Variants in FAM193A observed in about 807,000 individuals in gnomAD.
FAM193A encodes protein FAM193A.
A neutral mutation model predicts 126.5 loss-of-function variants in FAM193A; 22 were observed. That is an observed-to-expected ratio of 0.17 (90% CI 0.12 to 0.25). The LOEUF is 0.25. Among genes scored for constraint, FAM193A ranks in the 10% least tolerant of loss-of-function variants. FAM193A has a pLI of 1.00. For synonymous variants in FAM193A, 761 were observed against 646.8 expected, an observed-to-expected ratio of 1.18 and a Z score of -2.68; for missense variants, 1,675 against 1,672.8, an observed-to-expected ratio of 1.00 and a Z score of -0.02.
At chr4:2,672,426 G>A (rs1577179220) in intron 13 of FAM193A, 54 bp downstream of exon 13, 1 of 1,593,178 alleles carries the variant, frequency 6.3e-7, no homozygotes, top group Admixed American at 1.7e-5. Flanking sequence ...GATCCTACAG[G>A]AGTACATAGT....
chr4:2,640,946 T>C (rs1235229165), intron 6 of FAM193A, among the ~76,000 whole-genome samples: 2 of 151,314 alleles, frequency 1.3e-5, no homozygotes, highest in East Asian at 2.0e-4. Context: ...GCCTGGGTGA[T>C]AGAGCGAGAT....
At chr4:2,545,995 A>G (rs1427016362) in intron 1 of FAM193A, among the ~76,000 whole-genome samples, 1 of 152,076 alleles carries the variant, frequency 6.6e-6, no homozygotes, top group East Asian at 1.9e-4. Flanking sequence ...TAAAAATACA[A>G]AAATTAGCGG....
intron 1 of FAM193A, among the ~76,000 whole-genome samples, chr4:2,538,033 C>A (rs184593310): frequency 2.2e-4 from 33 of 152,148 alleles, no homozygotes; most frequent in African/African-American, 6.7e-4. Context: ...GCAGTCATTT[C>A]CAGTTATCCC....
At chr4:2,593,946 C>T (rs541484669) in intron 1 of FAM193A, among the ~76,000 whole-genome samples, 11 of 150,912 alleles carry the variant, frequency 7.3e-5, no homozygotes, top group African/African-American at 2.4e-4. Context: ...TCATGGTACT[C>T]GGTGGTTTGA....
chr4:2,715,887 T>C (rs1719483177), intron 19 of FAM193A, 136 bp from the exon 20 acceptor site: 1 of 677,060 alleles, frequency 1.5e-6, no homozygotes. Flanking sequence ...AGATCTGTCC[T>C]CTAAAATCTC....
At chr4:2,560,066 C>G (rs538123972) in intron 1 of FAM193A, among the ~76,000 whole-genome samples, 1 of 151,956 alleles carries the variant, frequency 6.6e-6, no homozygotes, top group East Asian at 1.9e-4. Flanking sequence ...TCAAGCCTGC[C>G]GAGTAGCTGG....
chr4:2,727,274 A>T (rs1286106910), intron 20 of FAM193A, among the ~76,000 whole-genome samples: 2 of 152,044 alleles, frequency 1.3e-5, no homozygotes, highest in African/African-American at 4.8e-5. Flanking sequence ...AAAAATTGTG[A>T]CCAATTGCTG....
rs774194211 is a variant in FAM193A at position 2,663,267 on chromosome 4, C to G, written c.2058C>G (p.Pro686=). ...RTEESKADSP[P]PSYPTQQAEQ... The stretch of plus-strand genomic sequence containing the variant: ...AGGAGAGCAAAGCAGACAGTCCACC[C>G]CCATCCTACCCAACACAGCAGGTAG... Residue 686 remains proline (P), a synonymous_variant, in exon 12 of 21, where the codon CCC becomes CCG. Transcript: ENST00000637812. 5 of 1,595,958 alleles carry G rather than the reference C, an allele frequency of 3.1e-6. No individual in the cohort carries two copies. In the East Asian group the frequency reaches 1.1e-4, roughly 36 times the overall value.
At chr4:2,715,057 C>T (rs1394841820) in intron 19 of FAM193A, among the ~76,000 whole-genome samples, 1 of 152,200 alleles carries the variant, frequency 6.6e-6, no homozygotes, top group East Asian at 1.9e-4. Context: ...GCCTGAGAGT[C>T]TAGGAAATTG....
At position 2,710,842 on chromosome 4, in the gene FAM193A, C is replaced by G. The variant is rs1161712820; in HGVS notation, c.4373-5181C>G. Among the ~76,000 whole-genome samples the G allele has an allele frequency of 3.6e-5, 5 of 140,326 alleles. No homozygotes were observed. The East Asian group carries it at 1.1e-3, about 30-fold the overall frequency. 92.1% of individuals were successfully genotyped at this position (140,326 alleles called of 152,430 possible). The stretch of plus-strand genomic sequence containing the variant: ...TTCTGCTTTCGTCTTTATTTTCTTT[C>G]TGTGCTTTCTTTTTTTTTTTTTTTT... On this transcript the variant is annotated intron_variant, in intron 19 of 20. Transcript: ENST00000637812.
intron 12 of FAM193A, among the ~76,000 whole-genome samples, chr4:2,665,100 C>T (rs1712956120): frequency 6.6e-6 from 1 of 152,156 alleles, no homozygotes; most frequent in South Asian, 2.1e-4. Flanking sequence ...ATTGAGTCTT[C>T]TAATCTGTGA....
At chr4:2,624,433 T>C (rs576374075) in intron 2 of FAM193A, among the ~76,000 whole-genome samples, 45 of 152,306 alleles carry the variant, frequency 3.0e-4, no homozygotes, top group African/African-American at 1.1e-3. Context: ...CGTGAGCCAC[T>C]GCCCCCGGCC....
chr4:2,696,143 T>C (rs1717008689), intron 17 of FAM193A: 2 of 477,380 alleles, frequency 4.2e-6, no homozygotes, highest in Non-Finnish European at 7.4e-6. Flanking sequence ...ATCAGGTTTT[T>C]CATGAATATG....
intron 1 of FAM193A, among the ~76,000 whole-genome samples, chr4:2,556,246 G>C (rs963759210): frequency 6.7e-6 from 1 of 149,104 alleles, no homozygotes; most frequent in African/African-American, 2.5e-5. Context: ...TCGCTCTGTT[G>C]CCAGGCTGGA....
chr4:2,585,458 A>C (rs992031604), intron 1 of FAM193A, among the ~76,000 whole-genome samples: 21 of 151,904 alleles, frequency 1.4e-4, no homozygotes, highest in African/African-American at 5.1e-4. Flanking sequence ...TTTATCTGTG[A>C]TATCTGTGAC....
At chr4:2,597,084 C>T (rs1392404112) in intron 2 of FAM193A, among the ~76,000 whole-genome samples, 5 of 152,114 alleles carry the variant, frequency 3.3e-5, no homozygotes, top group African/African-American at 7.2e-5. Context: ...ATCCCCACTG[C>T]CTGGTGTGGG....
chr4:2,537,704 A>G (rs937049489), intron 1 of FAM193A, among the ~76,000 whole-genome samples: 1 of 152,198 alleles, frequency 6.6e-6, no homozygotes, highest in African/African-American at 2.4e-5. Flanking sequence ...GTGATGATTG[A>G]GAAGGGCCTC....
At chr4:2,635,514 A>G (rs776922735) in intron 5 of FAM193A, among the ~76,000 whole-genome samples, 32 of 152,254 alleles carry the variant, frequency 2.1e-4, no homozygotes, top group Non-Finnish European at 4.1e-4. Flanking sequence ...TTTACATTAG[A>G]TAATGTAACA....
At chr4:2,539,009 C>A (rs1382122985) in intron 1 of FAM193A, among the ~76,000 whole-genome samples, 1 of 151,948 alleles carries the variant, frequency 6.6e-6, no homozygotes, top group African/African-American at 2.4e-5. Flanking sequence ...TCCTGCCTAA[C>A]CCTCTCAAGT....
Sources: gnomAD v4.1 joint callset for allele counts (sites outside exome capture counted in the v4.1 genomes callset) on GRCh38, gnomAD v4.1.1 for gene constraint, MANE v1.5 for transcripts, NCBI Gene and HGNC (gene_info 2026-07-23, HGNC 2026-07-21) for gene names.